SLCO5A1: variants seen among roughly 807,000 people sequenced by gnomAD.
SLCO5A1 encodes solute carrier organic anion transporter family member 5A1, also known as organic anion transporter polypeptide-related protein 4.
Under a neutral mutation model 65.1 loss-of-function variants are expected in SLCO5A1, and 39 were observed. The observed-to-expected ratio is 0.60, with a 90% confidence interval of 0.46 to 0.78. The LOEUF (loss-of-function observed/expected upper bound fraction) is 0.78, where lower values mean the gene tolerates loss of function less well. Among genes scored for constraint, SLCO5A1 ranks in the 30% least tolerant of loss-of-function variants. SLCO5A1 has a pLI of 0.00. For synonymous variants in SLCO5A1, 438 were observed against 415.7 expected, an observed-to-expected ratio of 1.05 and a Z score of -0.65; for missense variants, 1,029 against 1,069.4, an observed-to-expected ratio of 0.96 and a Z score of 0.53.
chr8:69,778,500 T>C (rs1818666776), intron 2 of SLCO5A1, among the ~76,000 whole-genome samples: 1 of 152,112 alleles, frequency 6.6e-6, no homozygotes, highest in Non-Finnish European at 1.5e-5. Flanking sequence ...AATGCATCCA[T>C]GTGTTAAAAG....
intron 5 of SLCO5A1, among the ~76,000 whole-genome samples, chr8:69,707,450 G>A (rs762108974): frequency 1.3e-5 from 2 of 152,098 alleles, no homozygotes. Flanking sequence ...ACGAAATTGA[G>A]GATTCAATGC....
chr8:69,714,797 C>T (rs1563678999), intron 5 of SLCO5A1: 1 of 152,236 alleles, frequency 6.6e-6, no homozygotes. Context: ...TTAGGCCAGA[C>T]GGATCTCATT....
At chr8:69,711,872 T>C (rs1312269682) in intron 5 of SLCO5A1, among the ~76,000 whole-genome samples, 4 of 144,750 alleles carry the variant, frequency 2.8e-5, no homozygotes, top group Non-Finnish European at 4.5e-5. Flanking sequence ...TCATCATCAT[T>C]TTAACAAGCA....
chr8:69,778,008 A>G (rs1374676372), intron 2 of SLCO5A1, among the ~76,000 whole-genome samples: 1 of 152,204 alleles, frequency 6.6e-6, no homozygotes, highest in Non-Finnish European at 1.5e-5. Flanking sequence ...CATAAATTTT[A>G]TCATAGTATA....
At chr8:69,704,354 C>A (rs1278831834) in intron 6 of SLCO5A1, among the ~76,000 whole-genome samples, 2 of 152,210 alleles carry the variant, frequency 1.3e-5, no homozygotes. Flanking sequence ...ATATGTAAAG[C>A]ACTTAAGAGA....
intron 3 of SLCO5A1, among the ~76,000 whole-genome samples, chr8:69,756,007 C>G (rs1436823406): frequency 1.3e-5 from 2 of 152,020 alleles, no homozygotes; most frequent in Non-Finnish European, 2.9e-5. Flanking sequence ...ATAATGTAGA[C>G]AATAGCATGT....
intron 2 of SLCO5A1, among the ~76,000 whole-genome samples, chr8:69,829,259 T>G (rs553769038): frequency 6.6e-6 from 1 of 152,316 alleles, no homozygotes; most frequent in African/African-American, 2.4e-5. Context: ...ACTGATCTTC[T>G]AGTATACAAG....
At chr8:69,717,900 A>G (rs1244075754) in intron 5 of SLCO5A1, among the ~76,000 whole-genome samples, 5 of 152,158 alleles carry the variant, frequency 3.3e-5, no homozygotes, top group Admixed American at 2.0e-4. Context: ...AACTTCACAT[A>G]CTTATCTTTT....
intron 5 of SLCO5A1, among the ~76,000 whole-genome samples, chr8:69,719,949 C>T (rs1415799800): frequency 6.6e-5 from 10 of 152,182 alleles, no homozygotes; most frequent in South Asian, 6.2e-4. Context: ...TCTTGCACTC[C>T]GTTCAGTCTC....
At chr8:69,772,826 C>G in intron 2 of SLCO5A1, 1 of 598,694 alleles carries the variant, frequency 1.7e-6, no homozygotes, top group Non-Finnish European at 2.1e-6. Context: ...CATCCATGCA[C>G]TCTGTGATGC....
At chr8:69,683,888 G>A (rs567302657) in intron 6 of SLCO5A1, among the ~76,000 whole-genome samples, 1 of 152,218 alleles carries the variant, frequency 6.6e-6, no homozygotes, top group East Asian at 1.9e-4. Flanking sequence ...GACTATGCTG[G>A]TACCACTTAT....
Position 69,831,152 on chromosome 8 carries a change from T to TCGGG in SLCO5A1, c.907+611_907+614dup, listed in dbSNP as rs199858927. On this transcript the variant is annotated intron_variant, in intron 2 of 9. Transcript: ENST00000260126. ...GATGGGTACCTGTGATCCCAGCTAC[T>TCGGG]CGGGGGCTGAGGCAGAAGAATCACT... Among the ~76,000 whole-genome samples, 603 of 151,968 alleles carry TCGGG rather than the reference T, an allele frequency of 4.0e-3. 5 individuals carry two copies. The highest frequency in any genetic ancestry group is 0.022 in the South Asian group (108 of 4,808).
At chr8:69,706,011 GT>G (rs770272464) in intron 5 of SLCO5A1, among the ~76,000 whole-genome samples, 1 of 152,308 alleles carries the variant, frequency 6.6e-6, no homozygotes, top group Non-Finnish European at 1.5e-5. Flanking sequence ...CATTATAATT[GT>G]AAAAAACTGG....
At chr8:69,786,147 A>G (rs1819034390) in intron 2 of SLCO5A1, among the ~76,000 whole-genome samples, 1 of 152,200 alleles carries the variant, frequency 6.6e-6, no homozygotes, top group Non-Finnish European at 1.5e-5. Context: ...TAAAAATACC[A>G]AAGAAACTTG....
rs149167283 is a variant in SLCO5A1 at position 69,770,481 on chromosome 8, C to T, written c.908-8606G>A. Among the ~76,000 whole-genome samples, 35 of 151,752 alleles carry T rather than the reference C, an allele frequency of 2.3e-4. No individual in the cohort carries two copies. The East Asian group carries it at 6.4e-3, about 28-fold the overall frequency. ...ATTAAATTTTTTTAATGAAGCAGAC[C>T]CCAACGTAAAGATTGCGACACCCAC... On this transcript the variant is annotated intron_variant, in intron 2 of 9. Coordinates refer to ENST00000260126, the MANE Select transcript of SLCO5A1 (RefSeq NM_030958.3).
rs1237240520 is a variant in SLCO5A1 at position 69,831,844 on chromosome 8, C to A, written c.830G>T (p.Gly277Val). 1.9e-6 allele frequency: 3 copies of A among 1,613,770 alleles called. No individual in the cohort carries two copies. The highest frequency in any genetic ancestry group is 3.3e-5 in the Admixed American group (2 of 59,870). ...FICAQILIGM[G>V]STPIYTLGPT... ...TCCCAGGGTATAAATAGGTGTGGAG[C>A]CCATTCCAATGAGAATCTGCGCGCA... The change falls in exon 2 of 10, where the codon GGC becomes GTC. Residue 277 changes from glycine (G) to valine (V), a missense_variant. Coordinates refer to ENST00000260126, the MANE Select transcript of SLCO5A1 (RefSeq NM_030958.3).
intron 5 of SLCO5A1, among the ~76,000 whole-genome samples, chr8:69,732,362 A>G (rs1483633966): frequency 6.6e-6 from 1 of 152,218 alleles, no homozygotes; most frequent in Non-Finnish European, 1.5e-5. Context: ...CTCTAACTCT[A>G]TAATTGTACA....
intron 2 of SLCO5A1, among the ~76,000 whole-genome samples, chr8:69,823,713 TCAA>T (rs1780806303): frequency 6.6e-6 from 1 of 152,116 alleles, no homozygotes; most frequent in African/African-American, 2.4e-5. Context: ...ATTAGACAGA[TCAA>T]CGAGACAGAA....
At chr8:69,779,840 A>G (rs1426356607) in intron 2 of SLCO5A1, among the ~76,000 whole-genome samples, 1 of 152,210 alleles carries the variant, frequency 6.6e-6, no homozygotes, top group Non-Finnish European at 1.5e-5. Flanking sequence ...CTGTACAGCA[A>G]AAGAGAGAGT....
Sources: gnomAD v4.1 joint callset for allele counts (sites outside exome capture counted in the v4.1 genomes callset) on GRCh38, gnomAD v4.1.1 for gene constraint, MANE v1.5 for transcripts, NCBI Gene and HGNC (gene_info 2026-07-23, HGNC 2026-07-21) for gene names.